Variants in RXFP2 observed in about 807,000 individuals in gnomAD.
RXFP2 encodes the protein relaxin family peptide receptor 2.
RXFP2 carries 68 observed loss-of-function variants against 88.6 expected under a neutral mutation model. That is an observed-to-expected ratio of 0.77 (90% confidence interval 0.63 to 0.94). The LOEUF is 0.94. Among genes scored for constraint, RXFP2 ranks in the 40% least tolerant of loss-of-function variants. The probability of loss-of-function intolerance (pLI) is 0.00; values close to 1 mark genes in which losing one functional copy is unlikely to be tolerated. For missense variants in RXFP2, 791 were observed against 893.9 expected (o/e 0.88, Z 1.47); for synonymous variants, 329 against 306.8 (o/e 1.07, Z -0.76).
intron 3 of RXFP2, among the ~76,000 whole-genome samples, chr13:31,763,865 A>C (rs1872419179): frequency 6.6e-6 from 1 of 152,196 alleles, no homozygotes; most frequent in Non-Finnish European, 1.5e-5. Flanking sequence ...AAGCATATGA[A>C]AGTTATCTTT....
In RXFP2 at chr13:31,796,038, C is replaced by CTTTTTTTTTTT. The variant is rs776535132; in HGVS notation, c.1787-1144_1787-1134dup. On this transcript the variant is annotated intron_variant, in intron 16 of 17. Transcript: ENST00000298386. The stretch of plus-strand genomic sequence containing the variant: ...ATACATTTTTGTTCTATGTGTTATT[C>CTTTTTTTTTTT]TTTTTTTTTTTTTTTTTTTTTTTTT... 4.6e-4 allele frequency among the ~76,000 whole-genome samples: 17 copies of CTTTTTTTTTTT among 36,982 alleles called. 3 individuals are homozygous for CTTTTTTTTTTT. The highest frequency in any genetic ancestry group is 1.2e-3 in the African/African-American group (10 of 8,214). 24.3% of individuals were successfully genotyped at this position (36,982 alleles called of 152,430 possible). A position where few individuals can be genotyped will look rare whatever the true frequency, so the allele number is the denominator to read the frequency against.
At chr13:31,789,056 A>C (rs1463055598) in intron 13 of RXFP2, 66 bp from the exon 14 acceptor site, 10 of 962,392 alleles carry the variant, frequency 1.0e-5, no homozygotes, top group Non-Finnish European at 1.7e-5. Flanking sequence ...TTCGGATATG[A>C]TGAAGAATGC....
At chr13:31,746,547 G>A (rs1270705037) in intron 1 of RXFP2, among the ~76,000 whole-genome samples, 3 of 152,146 alleles carry the variant, frequency 2.0e-5, no homozygotes, top group Non-Finnish European at 4.4e-5. Context: ...CCACCTTTAA[G>A]AGAAATTAAT....
At chr13:31,759,368 T>G (rs1257220001) in intron 2 of RXFP2, among the ~76,000 whole-genome samples, 1 of 15,368 alleles carries the variant, frequency 6.5e-5, no homozygotes, top group Non-Finnish European at 1.4e-4. Context: ...ATGATGACAT[T>G]TGGATTGAGA....
intron 2 of RXFP2, among the ~76,000 whole-genome samples, chr13:31,759,395 A>AAGAAAGAAAGAAAGAAAG (rs1872161525): frequency 6.9e-6 from 1 of 145,570 alleles, no homozygotes; most frequent in Non-Finnish European, 1.5e-5. Flanking sequence ...GAAAGAAAGA[A>AAGAAAGAAAGAAAGAAAG]AGAAAGAAAG....
intron 1 of RXFP2, among the ~76,000 whole-genome samples, chr13:31,747,871 T>G (rs184626329): frequency 6.6e-6 from 1 of 152,168 alleles, no homozygotes; most frequent in African/African-American, 2.4e-5. Context: ...TTTGCAAAAA[T>G]GACTTCTGAG....
Position 31,774,644 on chromosome 13 carries a change from A to T in RXFP2, c.522A>T (p.Arg174Ser). The T allele has an allele frequency of 2.6e-6, 4 of 1,560,586 alleles. No homozygotes were observed. Among genetic ancestry groups the T allele is most frequent in the Non-Finnish European group, 2.7e-6 (3 of 1,131,366 alleles). ...GATTTCTTCAGCATAATTGCATTAG[A>T]CACATATCCAGGAAAGCATTTTTTG... Reference protein sequence around the residue: ...KKIFLQHNCIRHISRKAFFGL... With the variant: ...KKIFLQHNCISHISRKAFFGL... The change falls in exon 6 of 18, where the codon AGA becomes AGT. Residue 174 changes from arginine to serine, a missense_variant. By Grantham distance (110) the Arg-to-Ser change is moderately radical. Coordinates refer to ENST00000298386, the MANE Select transcript of RXFP2 (RefSeq NM_130806.5).
At chr13:31,786,154 A>G (rs1162074907) in intron 11 of RXFP2, among the ~76,000 whole-genome samples, 2 of 152,222 alleles carry the variant, frequency 1.3e-5, no homozygotes, top group Admixed American at 1.3e-4. Context: ...AGAGAGGGTA[A>G]GAGGAAATTC....
chr13:31,752,160 T>A (rs139825061), intron 1 of RXFP2, among the ~76,000 whole-genome samples: 45 of 152,240 alleles, frequency 3.0e-4, no homozygotes, highest in African/African-American at 9.9e-4. Context: ...TTTTTTCCAA[T>A]GTAAATGAAA....
At position 31,793,029 on chromosome 13, in the gene RXFP2, T is replaced by G; in HGVS notation, c.1727T>G (p.Leu576Arg). The change falls in exon 16 of 18, where the codon CTT becomes CGT. Residue 576 changes from leucine to arginine, a missense_variant. Leu to Arg is a moderately radical substitution (Grantham distance 102). Coordinates refer to ENST00000298386, the MANE Select transcript of RXFP2 (RefSeq NM_130806.5). Reference protein sequence around the residue: ...FYGKNGVCFPLYYDQTEDIGS... With the variant: ...FYGKNGVCFPRYYDQTEDIGS... ...GGGAAAAATGGAGTATGTTTCCCAC[T>G]TTATTATGACCAAACAGAAGATATT... The G allele has an allele frequency of 1.2e-6, 2 of 1,613,446 alleles. No individual in the cohort carries two copies. The highest frequency in any genetic ancestry group is 1.7e-6 in the Non-Finnish European group (2 of 1,179,386).
intron 6 of RXFP2, 35 bp downstream of exon 6, chr13:31,774,726 T>C: frequency 9.0e-7 from 1 of 1,106,122 alleles, no homozygotes; most frequent in Non-Finnish European, 1.4e-6. Context: ...TAGGTATAAT[T>C]TTAAGCAAAG....
chr13:31,774,576 C>A (rs1287158353), intron 5 of RXFP2, 44 bp from the exon 6 acceptor site: 5 of 940,958 alleles, frequency 5.3e-6, no homozygotes, highest in South Asian at 1.3e-5. Context: ...CTAATATAGT[C>A]CATAAACCAT....
chr13:31,740,784 A>T (rs998403192), intron 1 of RXFP2, among the ~76,000 whole-genome samples: 1 of 152,078 alleles, frequency 6.6e-6, no homozygotes, highest in African/African-American at 2.4e-5. Context: ...TTATATTTTA[A>T]TATCTCTTAC....
At chr13:31,742,721 A>T (rs1042064880) in intron 1 of RXFP2, among the ~76,000 whole-genome samples, 2 of 152,218 alleles carry the variant, frequency 1.3e-5, no homozygotes, top group Admixed American at 1.3e-4. Context: ...CAAAATTGGG[A>T]TGCTGCTTTC....
chr13:31,792,098 T>C (rs1009992023), intron 15 of RXFP2, 63 bp downstream of exon 15: 5 of 1,156,112 alleles, frequency 4.3e-6, no homozygotes, highest in African/African-American at 1.5e-5. Context: ...ACTAGACATA[T>C]ATATGTATTT....
intron 5 of RXFP2, among the ~76,000 whole-genome samples, chr13:31,773,546 C>T (rs146533002): frequency 1.9e-3 from 290 of 151,734 alleles, no homozygotes; most frequent in African/African-American, 6.7e-3. Flanking sequence ...AGTAAATATT[C>T]ATTTGTACCC....
At chr13:31,797,455 C>T (rs201308410) in intron 17 of RXFP2, 36 bp downstream of exon 17, 27 of 1,487,622 alleles carry the variant, frequency 1.8e-5, no homozygotes, top group African/African-American at 1.4e-4. Flanking sequence ...TATAATACAT[C>T]GTGCCTTCTT....
intron 3 of RXFP2, 101 bp downstream of exon 3, chr13:31,761,902 C>A: frequency 2.5e-6 from 2 of 814,564 alleles, no homozygotes; most frequent in Non-Finnish European, 4.2e-6. Flanking sequence ...TTCAGAATTT[C>A]CGTTTTAGTT....
At position 31,792,865 on chromosome 13, in the gene RXFP2, C is replaced by G; in HGVS notation, c.1563C>G (p.Phe521Leu). The G allele has an allele frequency of 1.2e-6, 2 of 1,614,168 alleles. No individual in the cohort carries two copies. The highest frequency in any genetic ancestry group is 1.1e-5 in the South Asian group (1 of 91,084). Residue 521 changes from phenylalanine (F) to leucine (L), a missense_variant, in exon 16 of 18, where the codon TTC becomes TTG. By Grantham distance (22) the Phe-to-Leu change is conservative. Coordinates refer to ENST00000298386, the MANE Select transcript of RXFP2 (RefSeq NM_130806.5). ...TGACCTACTTGACTTTGGAGAAGTTCCTGGTCATTGTCTTCCCCTTCAGTA... is the reference window on the plus strand; with the variant it reads ...TGACCTACTTGACTTTGGAGAAGTTGCTGGTCATTGTCTTCCCCTTCAGTA... ...LLLTYLTLEK[F>L]LVIVFPFSNI...
Sources: gnomAD v4.1 joint callset for allele counts (sites outside exome capture counted in the v4.1 genomes callset) on GRCh38, gnomAD v4.1.1 for gene constraint, MANE v1.5 for transcripts, NCBI Gene and HGNC (gene_info 2026-07-23, HGNC 2026-07-21) for gene names.